Variants in CAVIN4 observed in about 807,000 individuals in gnomAD.
The protein encoded by CAVIN4 is caveolae-associated protein 4.
Under a neutral mutation model 18.6 loss-of-function variants are expected in CAVIN4, and 10 were observed. The ratio of observed to expected loss-of-function variants is 0.54; its 90% CI spans 0.33 to 0.91. The LOEUF is 0.91. Ranked by LOEUF, CAVIN4 falls within the 40% of genes least tolerant of loss-of-function variation. The probability of loss-of-function intolerance (pLI) is 0.02; values close to 1 mark genes in which losing one functional copy is unlikely to be tolerated. For missense variants in CAVIN4, 459 were observed against 440.5 expected, an observed-to-expected ratio of 1.04 and a Z score of -0.38; for synonymous variants, 173 against 164.8, an observed-to-expected ratio of 1.05 and a Z score of -0.38.
intron 1 of CAVIN4, among the ~76,000 whole-genome samples, chr9:100,579,147 C>A (rs961892945): frequency 1.3e-5 from 2 of 152,130 alleles, no homozygotes; most frequent in African/African-American, 4.8e-5. Flanking sequence ...ATATGAGTCA[C>A]ATAAGTAGTT....
intron 1 of CAVIN4, among the ~76,000 whole-genome samples, chr9:100,583,521 C>T (rs888358108): frequency 1.3e-5 from 2 of 152,194 alleles, no homozygotes; most frequent in African/African-American, 4.8e-5. Flanking sequence ...CACCTGTTCT[C>T]CCTGCTTCTT....
intron 1 of CAVIN4, among the ~76,000 whole-genome samples, chr9:100,583,733 G>A (rs1015630548): frequency 6.6e-6 from 1 of 151,424 alleles, no homozygotes; most frequent in Non-Finnish European, 1.5e-5. Flanking sequence ...TGCAACCTCC[G>A]CCTCCCGGGT....
chr9:100,585,638 G>A, intron 1 of CAVIN4, 127 bp from the exon 2 acceptor site: 2 of 770,082 alleles, frequency 2.6e-6, no homozygotes, highest in Non-Finnish European at 4.4e-6. Flanking sequence ...CTAAGAAATG[G>A]TAACATTTAA....
chr9:100,580,613 G>A (rs1045556490), intron 1 of CAVIN4, among the ~76,000 whole-genome samples: 1 of 152,210 alleles, frequency 6.6e-6, no homozygotes, highest in Non-Finnish European at 1.5e-5. Context: ...TAAACTTTAA[G>A]ATGTTTCTGT....
At chr9:100,581,067 T>A (rs964692314) in intron 1 of CAVIN4, 1 of 152,240 alleles carries the variant, frequency 6.6e-6, no homozygotes, top group Non-Finnish European at 1.5e-5. Flanking sequence ...TTATTATTTC[T>A]TTTCGAACAT....
At chr9:100,576,985 C>A, upstream of CAVIN4, 1 of 157,608 alleles carries the variant, frequency 6.3e-6, no homozygotes. Context: ...ACTTTTCTTA[C>A]AAAAAAAATC....
At chr9:100,585,546 G>A (rs1839466820) in intron 1 of CAVIN4, among the ~76,000 whole-genome samples, 1 of 152,166 alleles carries the variant, frequency 6.6e-6, no homozygotes, top group Non-Finnish European at 1.5e-5. Context: ...CTTACAATTG[G>A]ATCTGAAAAA....
intron 1 of CAVIN4, among the ~76,000 whole-genome samples, chr9:100,584,221 C>T (rs1320135583): frequency 6.6e-6 from 1 of 152,212 alleles, no homozygotes. Flanking sequence ...GCTGCATATT[C>T]CCCTTCCCTG....
At position 100,586,863 on chromosome 9, in the gene CAVIN4, C is replaced by T. The variant is rs893352897; in HGVS notation, c.*412C>T. ...TAGCAGTCACACCCCTTTTTTGATG[C>T]TTTCACATTAAAAAATTGAAGTTTT... On this transcript the variant is annotated 3_prime_UTR_variant, in exon 2 of 2. Transcript: ENST00000307584. 6.4e-6 allele frequency: 1 copy of T among 155,112 alleles called. No individual in the cohort carries two copies. The highest frequency in any genetic ancestry group is 1.9e-4 in the East Asian group (1 of 5,316). The allele number at this position is 155,112 out of a possible 1,614,324, so 9.6% of individuals were successfully genotyped here.
At chr9:100,577,117 A>T (rs1422297278), upstream of CAVIN4, 1 of 152,676 alleles carries the variant, frequency 6.5e-6, no homozygotes, top group Non-Finnish European at 1.5e-5. Flanking sequence ...TATTTATAAG[A>T]TATATGGACT....
rs1014259103 is a variant in CAVIN4 at position 100,586,186 on chromosome 9, G to A, written c.830G>A (p.Gly277Asp). The change falls in exon 2 of 2, where the codon GGT becomes GAT. Residue 277 changes from glycine (G) to aspartate (D), a missense_variant. Physicochemically the swap from Gly to Asp is moderately conservative, Grantham distance 94. Coordinates refer to ENST00000307584, the MANE Select transcript of CAVIN4 (RefSeq NM_001018116.2). ...TTTAAGATGCGCAGCCTCAGGAAAGGTAAGGACCGAACAGTGGCTGAAGGT... is the reference window on the plus strand; with the variant it reads ...TTTAAGATGCGCAGCCTCAGGAAAGATAAGGACCGAACAGTGGCTGAAGGT... ...EAFKMRSLRK[G>D]KDRTVAEGEE... 1.3e-6 allele frequency: 2 copies of A among 1,560,392 alleles called. No homozygotes were observed. The highest frequency in any genetic ancestry group is 1.7e-6 in the Non-Finnish European group (2 of 1,156,296).
chr9:100,578,593 T>C lies in CAVIN4; in HGVS notation c.408+42T>C, dbSNP rs1226589. The stretch of plus-strand genomic sequence containing the variant: ...GTTCAGCTTGCTTGTTCTAATCTCT[T>C]GCATCTTTTAATTGCCAAAAGTCAT... On this transcript the variant is annotated intron_variant, in intron 1 of 1. Coordinates refer to ENST00000307584, the MANE Select transcript of CAVIN4 (RefSeq NM_001018116.2). 507,547 of 1,600,988 alleles carry C rather than the reference T, an allele frequency of 0.32. 85,306 individuals are homozygous for C. The highest frequency in any genetic ancestry group is 0.45 in the Admixed American group (27,172 of 59,928).
At chr9:100,585,469 C>A (rs1308479309) in intron 1 of CAVIN4, among the ~76,000 whole-genome samples, 3 of 152,114 alleles carry the variant, frequency 2.0e-5, no homozygotes, top group Non-Finnish European at 4.4e-5. Context: ...GCAGTCTGCC[C>A]ATCATTCACA....
chr9:100,577,971 A>C, upstream of CAVIN4: 1 of 612,578 alleles, frequency 1.6e-6, no homozygotes. Context: ...GCAAGGGTTC[A>C]GATTGCAGAA....
At chr9:100,582,336 TTC>T (rs368359220) in intron 1 of CAVIN4, among the ~76,000 whole-genome samples, 3 of 145,532 alleles carry the variant, frequency 2.1e-5, no homozygotes, top group African/African-American at 2.5e-5. Flanking sequence ...TTGGACCTCT[TTC>T]TCTCTCTCTC....
In CAVIN4 at chr9:100,583,414, T is replaced by G. The variant is rs1839446888; in HGVS notation, c.409-2351T>G. Among the ~76,000 whole-genome samples, 3 of 152,190 alleles carry G rather than the reference T, an allele frequency of 2.0e-5. No individual in the cohort carries two copies. In the South Asian group the frequency reaches 6.2e-4, roughly 31 times the overall value. ...CACATCCAAATCTAGTGGCAAATCT[T>G]GTTGGCTCCTACCTTCAAAGCAGCT... On this transcript the variant is annotated intron_variant, in intron 1 of 1. Transcript: ENST00000307584.
At position 100,578,205 on chromosome 9, in the gene CAVIN4, T is replaced by A. The variant is rs753591479; in HGVS notation, c.62T>A (p.Val21Asp). ...ATCCACCAGAATCGCCTGTCGAGTG[T>A]TACAGAAGATGAAGACCAAGACGCT... ...DKIHQNRLSS[V>D]TEDEDQDAAL... is the part of the protein sequence containing the mutation. The change falls in exon 1 of 2, where the codon GTT becomes GAT. Residue 21 changes from valine (V) to aspartate (D), a missense_variant. By Grantham distance (152) the Val-to-Asp change is radical. Coordinates refer to ENST00000307584, the MANE Select transcript of CAVIN4 (RefSeq NM_001018116.2). The A allele has an allele frequency of 6.2e-7, 1 of 1,613,994 alleles. No individual in the cohort carries two copies. Among genetic ancestry groups the A allele is most frequent in the South Asian group, 1.1e-5 (1 of 91,062 alleles).
rs755935790 is a variant in CAVIN4 at position 100,586,171 on chromosome 9, G to A, written c.815G>A (p.Arg272His). 12 of 1,561,674 alleles carry A rather than the reference G, an allele frequency of 7.7e-6. No individual in the cohort carries two copies. The highest frequency in any genetic ancestry group is 5.5e-5 in the African/African-American group (4 of 72,852). The change falls in exon 2 of 2, where the codon CGC (arginine) becomes CAC (histidine). Residue 272 changes from arginine (R) to histidine (H), a missense_variant. Physicochemically the swap from Arg to His is conservative, Grantham distance 29 (BLOSUM62 0). Coordinates refer to ENST00000307584, the MANE Select transcript of CAVIN4 (RefSeq NM_001018116.2). ...AAPSKEAFKM[R>H]SLRKGKDRTV... ...CCCTCAAAGGAAGCTTTTAAGATGCGCAGCCTCAGGAAAGGTAAGGACCGA... is the reference window on the plus strand; with the variant it reads ...CCCTCAAAGGAAGCTTTTAAGATGCACAGCCTCAGGAAAGGTAAGGACCGA...
chr9:100,586,292 T>TATCA lies in CAVIN4; in HGVS notation c.936_937insATCA (p.Glu313IlefsTer5). 1 of 1,612,522 alleles carries TATCA rather than the reference T, an allele frequency of 6.2e-7. No individual in the cohort carries two copies. Among genetic ancestry groups the TATCA allele is most frequent in the Non-Finnish European group, 8.5e-7 (1 of 1,179,032 alleles). On this transcript the variant is annotated frameshift_variant, in exon 2 of 2. Transcript: ENST00000307584. ...GCCCCATCAGTGAGCTCTACTCTGA[T>TATCA]GAGCTCAGTGAACCAGAACACGAGG...
Sources: allele counts gnomAD v4.1 joint callset (sites outside exome capture counted in the v4.1 genomes callset), GRCh38; gene constraint gnomAD v4.1.1; transcripts MANE v1.5; gene names NCBI Gene and HGNC (gene_info 2026-07-23, HGNC 2026-07-21).